Variants in CHST9 observed in about 807,000 individuals in gnomAD.
CHST9 encodes the protein GalNAc-4-sulfotransferase 2.
A neutral mutation model predicts 44.4 loss-of-function variants in CHST9; 41 were observed. That is an observed-to-expected ratio of 0.92 (90% CI 0.72 to 1.20). CHST9 has a LOEUF of 1.20. Among genes scored for constraint, CHST9 ranks in the 50% most tolerant of loss-of-function variants. The pLI is 0.00. For synonymous variants in CHST9, 171 were observed against 178.4 expected (o/e 0.96, Z 0.33); for missense variants, 504 against 516.5 (o/e 0.98, Z 0.23).
At chr18:26,950,876 T>A (rs16943033) in intron 4 of CHST9, among the ~76,000 whole-genome samples, 23,420 of 152,110 alleles carry the variant, frequency 0.15, 1,995 homozygotes, top group East Asian at 0.24. Flanking sequence ...TGAAACAAAA[T>A]TTTTTTAAAG....
chr18:27,028,985 G>A (rs1598652431), intron 3 of CHST9, among the ~76,000 whole-genome samples: 1 of 152,168 alleles, frequency 6.6e-6, no homozygotes, highest in East Asian at 1.9e-4. Flanking sequence ...TCCTATCCAA[G>A]ATTGCAAAAC....
At chr18:27,014,944 G>C (rs1398920248) in intron 4 of CHST9, among the ~76,000 whole-genome samples, 1 of 151,698 alleles carries the variant, frequency 6.6e-6, no homozygotes, top group African/African-American at 2.4e-5. Context: ...TCAATCCTTA[G>C]TGGGGGTCAC....
chr18:27,112,603 G>GTGTT (rs1479277283), intron 2 of CHST9, among the ~76,000 whole-genome samples: 3 of 150,882 alleles, frequency 2.0e-5, no homozygotes, highest in African/African-American at 7.3e-5. Flanking sequence ...GTGTGTGTGT[G>GTGTT]TGTGTGTGTG....
intron 1 of CHST9, among the ~76,000 whole-genome samples, chr18:27,179,647 T>G (rs547195813): frequency 6.6e-6 from 1 of 152,216 alleles, no homozygotes; most frequent in East Asian, 1.9e-4. Context: ...CATATAAAGT[T>G]TATGTGTCCT....
intron 4 of CHST9, among the ~76,000 whole-genome samples, chr18:27,004,447 G>A (rs1396012565): frequency 1.3e-5 from 2 of 151,552 alleles, no homozygotes; most frequent in African/African-American, 4.9e-5. Flanking sequence ...CTTCAAAATT[G>A]TGCCCACTTT....
rs60043018 is a variant in CHST9, at chr18:27,019,689, C to CAA, written c.202+4425_202+4426dup. Among the ~76,000 whole-genome samples, 709 of 90,234 alleles carry CAA rather than the reference C, an allele frequency of 7.9e-3. 16 individuals carry two copies. Among genetic ancestry groups the CAA allele is most frequent in the African/African-American group, 0.02 (464 of 23,168 alleles). The allele number at this position is 90,234 out of a possible 152,430, so 59.2% of individuals were successfully genotyped here. ...AATTGACCACTGTTTCACTACATGG[C>CAA]AAAAAAAAAAAAAAAAAAAAAAGAG... On this transcript the variant is annotated intron_variant, in intron 4 of 5. Transcript: ENST00000618847.
chr18:26,921,134 A>C (rs2055644795), intron 5 of CHST9, among the ~76,000 whole-genome samples: 1 of 152,220 alleles, frequency 6.6e-6, no homozygotes, highest in Admixed American at 6.5e-5. Flanking sequence ...TGGGGGAGAA[A>C]GACATCAAAT....
Position 27,142,700 on chromosome 18 carries a change from T to A in CHST9, c.110A>T (p.Glu37Val). The A allele has an allele frequency of 6.2e-7, 1 of 1,605,064 alleles. No individual in the cohort carries two copies. Among genetic ancestry groups the A allele is most frequent in the Non-Finnish European group, 8.5e-7 (1 of 1,176,578 alleles). The change falls in exon 2 of 6, where the codon GAA becomes GTA. Residue 37 changes from glutamate to valine, a missense_variant. Coordinates refer to ENST00000618847, the MANE Select transcript of CHST9 (RefSeq NM_031422.6). The part of the protein sequence containing the change: ...LFMYLQVWIE[E>V]QHTGRVEKRR... ...AGCACATGTGTTACCTGTATGTTGT[T>A]CTTCAATCCAGACTTGCAAATACAT...
chr18:27,028,771 A>G (rs1010790759), intron 3 of CHST9, among the ~76,000 whole-genome samples: 1 of 151,940 alleles, frequency 6.6e-6, no homozygotes, highest in African/African-American at 2.4e-5. Context: ...GATGGTCTCA[A>G]TCTCCTGACC....
At chr18:27,103,953 C>T (rs1300995596) in intron 2 of CHST9, among the ~76,000 whole-genome samples, 2 of 152,182 alleles carry the variant, frequency 1.3e-5, no homozygotes, top group African/African-American at 2.4e-5. Context: ...CTAATCAATA[C>T]TACCTGATGC....
intron 2 of CHST9, among the ~76,000 whole-genome samples, chr18:27,122,195 G>A (rs963423041): frequency 1.3e-5 from 2 of 152,174 alleles, no homozygotes; most frequent in East Asian, 3.9e-4. Flanking sequence ...CTCATAGAAA[G>A]TTTAAAAATT....
intron 4 of CHST9, among the ~76,000 whole-genome samples, chr18:26,946,029 A>G (rs1410116927): frequency 1.3e-5 from 2 of 152,166 alleles, no homozygotes; most frequent in Admixed American, 1.3e-4. Flanking sequence ...TCATGGTGTC[A>G]TTGTTAGGAA....
intron 2 of CHST9, among the ~76,000 whole-genome samples, chr18:27,085,880 A>G (rs1185319572): frequency 2.0e-5 from 3 of 152,208 alleles, no homozygotes; most frequent in Non-Finnish European, 2.9e-5. Context: ...GATGCCCATC[A>G]ATGGTGGACT....
chr18:27,066,386 T>C (rs537520654), intron 2 of CHST9, among the ~76,000 whole-genome samples: 9 of 152,204 alleles, frequency 5.9e-5, no homozygotes, highest in Non-Finnish European at 1.2e-4. Context: ...TTAAAAGAAA[T>C]GCTGAATAAA....
intron 2 of CHST9, among the ~76,000 whole-genome samples, chr18:27,118,391 A>G (rs1318469010): frequency 6.2e-5 from 8 of 129,406 alleles, no homozygotes; most frequent in African/African-American, 1.5e-4. Context: ...TTTAATTTTA[A>G]TGAAGTCCAG....
At chr18:26,952,220 A>AGT in intron 4 of CHST9, 1 of 527,210 alleles carries the variant, frequency 1.9e-6, no homozygotes, top group Non-Finnish European at 3.8e-6. Context: ...TGGACCAAAC[A>AGT]AGGCTCCCCG....
intron 4 of CHST9, among the ~76,000 whole-genome samples, chr18:26,965,030 A>C (rs1245112321): frequency 6.6e-6 from 1 of 152,154 alleles, no homozygotes; most frequent in Non-Finnish European, 1.5e-5. Context: ...ATCGTGATTT[A>C]TTTCTTTCCT....
intron 4 of CHST9, among the ~76,000 whole-genome samples, chr18:27,002,172 T>C (rs1252667912): frequency 6.6e-6 from 1 of 151,848 alleles, no homozygotes; most frequent in Admixed American, 6.6e-5. Flanking sequence ...TCAGCCCCCA[T>C]TCACCCTGCA....
At chr18:27,104,840 C>CT (rs2058206821) in intron 2 of CHST9, among the ~76,000 whole-genome samples, 2 of 151,852 alleles carry the variant, frequency 1.3e-5, no homozygotes, top group South Asian at 4.1e-4. Flanking sequence ...GTTTTGAATA[C>CT]TTGAAAAAAA....
Sources: allele counts gnomAD v4.1 joint callset (sites outside exome capture counted in the v4.1 genomes callset), GRCh38; gene constraint gnomAD v4.1.1; transcripts MANE v1.5; gene names NCBI Gene and HGNC (gene_info 2026-07-23, HGNC 2026-07-21).